The following NUP160 variants were observed in gnomAD, a reference collection of about 807,000 sequenced individuals.
NUP160 encodes nucleoporin 160, also known as nuclear pore complex protein Nup160.
Under a neutral mutation model 196.9 loss-of-function variants are expected in NUP160, and 94 were observed. The ratio of observed to expected loss-of-function variants is 0.48; its 90% confidence interval spans 0.40 to 0.57. The LOEUF (loss-of-function observed/expected upper bound fraction) is 0.57, where lower values mean the gene tolerates loss of function less well. Ranked by LOEUF, NUP160 falls within the 20% of genes least tolerant of loss-of-function variation. The pLI, the probability that NUP160 is intolerant of heterozygous loss-of-function variation, is 0.00. For missense variants in NUP160, 1,638 were observed against 1,748.3 expected (o/e 0.94, Z 1.13); for synonymous variants, 605 against 619.7 (o/e 0.98, Z 0.35).
intron 7 of NUP160, among the ~76,000 whole-genome samples, chr11:47,831,842 C>CAAAAAAAAAAAAAAA (rs372159602): frequency 6.0e-5 from 4 of 66,664 alleles, no homozygotes; most frequent in African/African-American, 2.8e-4. Flanking sequence ...GACTCTCTCT[C>CAAAAAAAAAAAAAAA]AAAAAAAAAA....
Position 47,782,302 on chromosome 11 carries a change from AAATATATATATATATAT to A in NUP160, c.4116+754_4116+770del, listed in dbSNP as rs1247137649. Among the ~76,000 whole-genome samples the A allele has an allele frequency of 2.6e-4, 11 of 42,578 alleles. 2 individuals carry two copies. Among genetic ancestry groups the A allele is most frequent in the East Asian group, 1.5e-3 (2 of 1,338 alleles). 27.9% of individuals were successfully genotyped at this position (42,578 alleles called of 152,430 possible). A position where few individuals can be genotyped will look rare whatever the true frequency, so the allele number is the denominator to read the frequency against. On this transcript the variant is annotated intron_variant, in intron 34 of 35. Transcript: ENST00000378460. ...GCAAAACTCAGTTAAAAAAAAAAAA[AAATATATATATATATAT>A]ATATATATATATATATATATATATA...
chr11:47,808,306 A>G, intron 18 of NUP160, 90 bp downstream of exon 18: 1 of 1,296,134 alleles, frequency 7.7e-7, no homozygotes, highest in Non-Finnish European at 1.1e-6. Flanking sequence ...AAACAAAAAC[A>G]AAACACTAAA....
intron 2 of NUP160, among the ~76,000 whole-genome samples, chr11:47,847,022 A>T (rs1375598913): frequency 6.6e-6 from 1 of 152,182 alleles, no homozygotes; most frequent in Non-Finnish European, 1.5e-5. Context: ...CTTAGGATAA[A>T]ATCCAAAAAT....
At position 47,788,317 on chromosome 11, in the gene NUP160, GAA is replaced by G; in HGVS notation, c.3623-14_3623-13del. Reference sequence around the variant, plus strand: ...TGCTGATGAACTTCCTGTGAAAATGGAAAAAGATTATTTCGTGTAGCCAAGGT... The same window carrying G: ...TGCTGATGAACTTCCTGTGAAAATGGAAAGATTATTTCGTGTAGCCAAGGT... On this transcript the variant is annotated splice_polypyrimidine_tract_variant and intron_variant, in intron 30 of 35. Transcript: ENST00000378460. 6.2e-7 allele frequency: 1 copy of G among 1,612,700 alleles called. No homozygotes were observed. The highest frequency in any genetic ancestry group is 8.5e-7 in the Non-Finnish European group (1 of 1,179,662).
chr11:47,848,318 T>C, exon 1 of NUP160: 1 of 1,613,902 alleles, frequency 6.2e-7, no homozygotes, highest in Non-Finnish European at 8.5e-7. Flanking sequence ...GCCGCCGCCA[T>C]CTTCCCGCCG....
chr11:47,814,489 C>T (rs1443000369), intron 13 of NUP160, among the ~76,000 whole-genome samples: 4 of 148,262 alleles, frequency 2.7e-5, no homozygotes, highest in Non-Finnish European at 4.4e-5. Flanking sequence ...TGCAGTGAGC[C>T]GAGATTGCAC....
At chr11:47,820,022 A>G (rs1457812881) in intron 9 of NUP160, among the ~76,000 whole-genome samples, 2 of 152,130 alleles carry the variant, frequency 1.3e-5, no homozygotes, top group Non-Finnish European at 2.9e-5. Flanking sequence ...TTATCTTCCC[A>G]GGTATGGCCT....
intron 10 of NUP160, among the ~76,000 whole-genome samples, chr11:47,818,909 T>G (rs1433285324): frequency 1.3e-5 from 2 of 152,324 alleles, no homozygotes; most frequent in African/African-American, 4.8e-5. Flanking sequence ...TGTTTTCTAC[T>G]CCTGCAAATA....
exon 27 of NUP160, chr11:47,797,793 T>C: frequency 6.2e-7 from 1 of 1,612,008 alleles, no homozygotes; most frequent in Non-Finnish European, 8.5e-7. Context: ...GCGGTAATTG[T>C]GGCGATAGAT....
intron 27 of NUP160, among the ~76,000 whole-genome samples, chr11:47,793,423 CTG>C (rs902997073): frequency 2.7e-5 from 4 of 150,176 alleles, no homozygotes; most frequent in Non-Finnish European, 4.4e-5. Flanking sequence ...TGTGGAAAAA[CTG>C]GAACCCTTTT....
chr11:47,824,782 G>A (rs1851934460), intron 7 of NUP160, among the ~76,000 whole-genome samples: 1 of 151,500 alleles, frequency 6.6e-6, no homozygotes, highest in Admixed American at 6.6e-5. Flanking sequence ...TAGTAATGCA[G>A]GCATGTTCTA....
At chr11:47,847,778 G>C (rs1237199719) in intron 2 of NUP160, 70 bp downstream of exon 2, 1 of 970,742 alleles carries the variant, frequency 1.0e-6, no homozygotes, top group Non-Finnish European at 1.7e-6. Context: ...ATAGCACTTT[G>C]GGTACAGCGA....
chr11:47,793,391 C>CA (rs2097669024), intron 27 of NUP160, among the ~76,000 whole-genome samples: 1 of 152,092 alleles, frequency 6.6e-6, no homozygotes, highest in Non-Finnish European at 1.5e-5. Flanking sequence ...CCCCCCTCCC[C>CA]AAAATCACAT....
In NUP160 at chr11:47,797,763, T is replaced by G. The variant is rs762646106; in HGVS notation, c.3289+16A>C. On this transcript the variant is annotated intron_variant, in intron 27 of 35. Coordinates refer to ENST00000378460, the Ensembl canonical transcript of NUP160. ...ATAAGGCTGTCTGCAAGATACTGTCTGGTTACATTGCTCACCCTTGCGGTA... is the reference window on the plus strand; with the variant it reads ...ATAAGGCTGTCTGCAAGATACTGTCGGGTTACATTGCTCACCCTTGCGGTA... The G allele has an allele frequency of 6.4e-7, 1 of 1,556,874 alleles. No individual in the cohort carries two copies. The highest frequency in any genetic ancestry group is 8.9e-7 in the Non-Finnish European group (1 of 1,127,872).
intron 2 of NUP160, among the ~76,000 whole-genome samples, chr11:47,847,421 T>A (rs1852419679): frequency 6.6e-6 from 1 of 152,170 alleles, no homozygotes; most frequent in South Asian, 2.1e-4. Flanking sequence ...ATTCTGACAT[T>A]GCTACAACGT....
chr11:47,833,661 C>T (rs1852117278), intron 7 of NUP160, among the ~76,000 whole-genome samples: 1 of 152,100 alleles, frequency 6.6e-6, no homozygotes, highest in Admixed American at 6.6e-5. Context: ...AATAGTTGTG[C>T]AGAAAGGGTT....
At chr11:47,816,825 A>T (rs1851736907) in intron 11 of NUP160, among the ~76,000 whole-genome samples, 1 of 151,630 alleles carries the variant, frequency 6.6e-6, no homozygotes, top group South Asian at 2.1e-4. Flanking sequence ...TGTTGTTTTA[A>T]TAGAGATGGG....
chr11:47,847,163 C>A (rs1256433205), intron 2 of NUP160, among the ~76,000 whole-genome samples: 2 of 152,122 alleles, frequency 1.3e-5, no homozygotes, highest in Non-Finnish European at 2.9e-5. Context: ...TCCAAACCCG[C>A]CACATTCTTT....
At chr11:47,838,463 TTTG>T (rs1852223930) in intron 4 of NUP160, among the ~76,000 whole-genome samples, 1 of 152,086 alleles carries the variant, frequency 6.6e-6, no homozygotes, top group African/African-American at 2.4e-5. Context: ...ATCCCAGCAC[TTTG>T]GGAAGCTGAG....
Sources: gnomAD v4.1 joint callset for allele counts (sites outside exome capture counted in the v4.1 genomes callset) on GRCh38, gnomAD v4.1.1 for gene constraint, MANE v1.5 for transcripts, NCBI Gene and HGNC (gene_info 2026-07-23, HGNC 2026-07-21) for gene names.